Variants in BMPR2 observed in about 807,000 individuals in gnomAD.
BMPR2 encodes the protein bone morphogenetic protein receptor type 2.
Under a neutral mutation model 100.8 loss-of-function variants are expected in BMPR2, and 29 were observed. That is an observed-to-expected ratio of 0.29 (90% confidence interval 0.21 to 0.39). The LOEUF (loss-of-function observed/expected upper bound fraction) is 0.39, where lower values mean the gene tolerates loss of function less well. Among genes scored for constraint, BMPR2 ranks in the 10% least tolerant of loss-of-function variants. The probability of loss-of-function intolerance (pLI) is 1.00; values close to 1 mark genes in which losing one functional copy is unlikely to be tolerated. For missense variants in BMPR2, 1,011 were observed against 1,274.5 expected (o/e 0.79, Z 3.15); for synonymous variants, 382 against 442.3 (o/e 0.86, Z 1.71).
At chr2:202,388,424 T>A (rs1271739667) in intron 1 of BMPR2, among the ~76,000 whole-genome samples, 3 of 140,844 alleles carry the variant, frequency 2.1e-5, no homozygotes, top group Non-Finnish European at 3.0e-5. Context: ...AAAAAAACAT[T>A]GTTTGTCCAT....
intron 9 of BMPR2, among the ~76,000 whole-genome samples, chr2:202,535,857 C>T (rs1337676993): frequency 6.6e-6 from 1 of 152,208 alleles, no homozygotes; most frequent in Non-Finnish European, 1.5e-5. Flanking sequence ...CCGAGGCTGG[C>T]GGATCACTCG....
intron 3 of BMPR2, among the ~76,000 whole-genome samples, chr2:202,511,408 T>C (rs1687621054): frequency 6.6e-6 from 1 of 152,214 alleles, no homozygotes; most frequent in Non-Finnish European, 1.5e-5. Flanking sequence ...TTGTTTTTGG[T>C]TCTTTCTGAT....
chr2:202,550,374 C>CA (rs71035016), intron 10 of BMPR2, among the ~76,000 whole-genome samples: 1,780 of 93,992 alleles, frequency 0.019, 18 homozygotes, highest in African/African-American at 0.033. Context: ...CTCCTATCTC[C>CA]AAAAAAAAAA....
chr2:202,379,463 G>T (rs559059209), intron 1 of BMPR2, among the ~76,000 whole-genome samples: 1 of 152,284 alleles, frequency 6.6e-6, no homozygotes, highest in African/African-American at 2.4e-5. Context: ...CATCTTATTG[G>T]ATATATGAGA....
At chr2:202,445,391 T>C (rs1691829847) in intron 1 of BMPR2, among the ~76,000 whole-genome samples, 1 of 149,800 alleles carries the variant, frequency 6.7e-6, no homozygotes, top group Non-Finnish European at 1.5e-5. Context: ...CATGCCTGGC[T>C]AATTTTTTAA....
rs189164620 is a variant in BMPR2, at chr2:202,407,469, G to C, written c.76+29919G>C. Among the ~76,000 whole-genome samples, 53 of 152,060 alleles carry C rather than the reference G, an allele frequency of 3.5e-4. No homozygotes were observed. The East Asian group carries it at 8.9e-3, about 26-fold the overall frequency. On this transcript the variant is annotated intron_variant, in intron 1 of 12. Transcript: ENST00000374580. ...ATAAATTTTGGTGTGATCAGGTACT[G>C]CTCCTTAATAATACTGTATTTGGCT...
intron 3 of BMPR2, among the ~76,000 whole-genome samples, chr2:202,496,271 G>A (rs1273704156): frequency 1.3e-5 from 2 of 152,176 alleles, no homozygotes; most frequent in African/African-American, 4.8e-5. Flanking sequence ...CAGATTGCTT[G>A]AGCCCGGGAG....
At chr2:202,402,317 G>T (rs1004879606) in intron 1 of BMPR2, among the ~76,000 whole-genome samples, 1 of 151,932 alleles carries the variant, frequency 6.6e-6, no homozygotes, top group Admixed American at 6.6e-5. Flanking sequence ...AGGAGTTCAA[G>T]ACCAGCCTGA....
chr2:202,500,897 C>T (rs921313980), intron 3 of BMPR2, among the ~76,000 whole-genome samples: 1 of 152,162 alleles, frequency 6.6e-6, no homozygotes, highest in African/African-American at 2.4e-5. Flanking sequence ...TTTTGAGGAT[C>T]CCACAGACCA....
intron 12 of BMPR2, among the ~76,000 whole-genome samples, chr2:202,558,872 A>G (rs1574508901): frequency 6.8e-6 from 1 of 146,854 alleles, no homozygotes; most frequent in East Asian, 2.1e-4. Flanking sequence ...CAGCCTGGCA[A>G]CAAGAATGAA....
chr2:202,439,237 C>T (rs1018815312), intron 1 of BMPR2, among the ~76,000 whole-genome samples: 1 of 149,758 alleles, frequency 6.7e-6, no homozygotes, highest in African/African-American at 2.5e-5. Context: ...TGAATGGGCT[C>T]ATTTTCTTAA....
rs767925160 is a variant in BMPR2, at chr2:202,532,330, T to C, written c.1129-255T>C. On this transcript the variant is annotated intron_variant, in intron 8 of 12. Coordinates refer to ENST00000374580, the MANE Select transcript of BMPR2 (RefSeq NM_001204.7). This position sits in a 1 kb window ranked among gnomAD's most constrained non-coding sequence, Gnocchi z 4.1. ...CTCACTGTATCTTACAGATTATTTA[T>C]ATTGATATACATAGGAAAGTCTAGC... Among the ~76,000 whole-genome samples, 10 of 152,202 alleles carry C rather than the reference T, an allele frequency of 6.6e-5. No individual in the cohort carries two copies. Among genetic ancestry groups the C allele is most frequent in the Non-Finnish European group, 1.2e-4 (8 of 68,040 alleles).
intron 1 of BMPR2, among the ~76,000 whole-genome samples, chr2:202,414,722 C>A (rs954661122): frequency 3.3e-5 from 5 of 152,092 alleles, no homozygotes; most frequent in African/African-American, 1.2e-4. Flanking sequence ...AATCTCAGAG[C>A]AACACCCTAA....
At chr2:202,463,950 G>A (rs938479334) in intron 1 of BMPR2, among the ~76,000 whole-genome samples, 4 of 151,860 alleles carry the variant, frequency 2.6e-5, no homozygotes, top group Non-Finnish European at 5.9e-5. Flanking sequence ...ATCTGAAGTC[G>A]AGAGTTCGGG....
intron 1 of BMPR2, among the ~76,000 whole-genome samples, chr2:202,442,451 A>G (rs779776082): frequency 7.3e-5 from 11 of 150,402 alleles, no homozygotes; most frequent in Non-Finnish European, 1.2e-4. Flanking sequence ...AACTATGGCA[A>G]ATCATATAAT....
At chr2:202,514,748 T>A in intron 4 of BMPR2, 140 bp from the exon 5 acceptor site, 1 of 710,290 alleles carries the variant, frequency 1.4e-6, no homozygotes, top group Non-Finnish European at 2.4e-6. Context: ...TAAATAGCTT[T>A]ACTCCTATTG....
At chr2:202,384,873 G>T (rs1164292994) in intron 1 of BMPR2, among the ~76,000 whole-genome samples, 1 of 151,998 alleles carries the variant, frequency 6.6e-6, no homozygotes, top group Admixed American at 6.6e-5. Context: ...GATTACAGAC[G>T]TGAGCCACCG....
At chr2:202,477,788 A>T (rs1050634150) in intron 3 of BMPR2, among the ~76,000 whole-genome samples, 2 of 152,088 alleles carry the variant, frequency 1.3e-5, no homozygotes. Flanking sequence ...CTCCATCTCC[A>T]AAATAAATAA....
chr2:202,537,868 C>T (rs1688192429), intron 9 of BMPR2, among the ~76,000 whole-genome samples: 1 of 151,846 alleles, frequency 6.6e-6, no homozygotes, highest in Admixed American at 6.6e-5. Context: ...CCTGCAAACC[C>T]AGCACTTTAG....
Sources: gnomAD v4.1 joint callset for allele counts (sites outside exome capture counted in the v4.1 genomes callset) on GRCh38, gnomAD v4.1.1 for gene constraint, Gnocchi (gnomAD v3.1) non-coding constraint, MANE v1.5 for transcripts, NCBI Gene and HGNC (gene_info 2026-07-23, HGNC 2026-07-21) for gene names.